FXYD6: variants seen among roughly 807,000 people sequenced by gnomAD.
FXYD6 encodes the protein FXYD domain-containing ion transport regulator 6.
In FXYD6, 7 loss-of-function variants were observed where a neutral mutation model predicts 16.7. That is an observed-to-expected ratio of 0.42 (90% confidence interval 0.24 to 0.79). FXYD6 has a LOEUF of 0.79. Ranked by LOEUF, FXYD6 falls within the 30% of genes least tolerant of loss-of-function variation. FXYD6 has a pLI of 0.28. For synonymous variants in FXYD6, 49 were observed against 43.0 expected, an observed-to-expected ratio of 1.14 and a Z score of -0.54; for missense variants, 111 against 116.2, an observed-to-expected ratio of 0.95 and a Z score of 0.21.
rs2056231630 is a variant in FXYD6 at position 117,837,708 on chromosome 11, T to G, written c.*591A>C. 6.3e-6 allele frequency: 1 copy of G among 159,204 alleles called. No homozygotes were observed. The highest frequency in any genetic ancestry group is 1.4e-5 in the Non-Finnish European group (1 of 71,752). The allele number at this position is 159,204 out of a possible 1,614,324, so 9.9% of individuals were successfully genotyped here. On this transcript the variant is annotated 3_prime_UTR_variant, in exon 8 of 8. Coordinates refer to ENST00000526014, the MANE Select transcript of FXYD6 (RefSeq NM_022003.4). The surrounding 1 kb of genome is among the most constrained non-coding windows in gnomAD (Gnocchi z 4.4). ...AAGAGACCTTCAGACTGGGATCAGG[T>G]GGGATAAGGAAGCAAGGTTTTTGTT...
intron 1 of FXYD6, among the ~76,000 whole-genome samples, chr11:117,861,825 A>G (rs2056913022): frequency 6.6e-6 from 1 of 152,348 alleles, no homozygotes; most frequent in South Asian, 2.1e-4. Context: ...GTGAGGTCAC[A>G]GGATGTGGAG....
chr11:117,856,590 G>T (rs1591572882), intron 1 of FXYD6, among the ~76,000 whole-genome samples: 1 of 152,214 alleles, frequency 6.6e-6, no homozygotes, highest in South Asian at 2.1e-4. Flanking sequence ...GAATGCCTGG[G>T]CCCCACAGTT....
chr11:117,869,341 C>T (rs1321466706), intron 1 of FXYD6, among the ~76,000 whole-genome samples: 2 of 152,224 alleles, frequency 1.3e-5, no homozygotes, highest in African/African-American at 4.8e-5. Context: ...CACCTCCGCC[C>T]AGCGCATCAC....
intron 1 of FXYD6, 70 bp from the exon 2 acceptor site, chr11:117,842,851 C>G: frequency 6.6e-7 from 1 of 1,516,614 alleles, no homozygotes; most frequent in South Asian, 1.2e-5. Flanking sequence ...CAAGCGTCAG[C>G]CTGACCAGGG....
At chr11:117,851,017 T>C (rs1158733610) in intron 1 of FXYD6, among the ~76,000 whole-genome samples, 3 of 152,238 alleles carry the variant, frequency 2.0e-5, no homozygotes, top group Admixed American at 6.5e-5. Context: ...TATGCTATTA[T>C]TGGAGAATAT....
At chr11:117,842,456 A>T (rs1400463887) in intron 2 of FXYD6, among the ~76,000 whole-genome samples, 2 of 152,176 alleles carry the variant, frequency 1.3e-5, no homozygotes, top group African/African-American at 2.4e-5. Context: ...AAATCCACAG[A>T]GGCGCAGTGA....
intron 1 of FXYD6, among the ~76,000 whole-genome samples, chr11:117,860,775 A>C (rs1478387550): frequency 3.3e-5 from 5 of 152,244 alleles, no homozygotes; most frequent in Non-Finnish European, 7.3e-5. Flanking sequence ...AACATGTAAC[A>C]TTCGTAAGGT....
intron 1 of FXYD6, among the ~76,000 whole-genome samples, chr11:117,846,709 C>T (rs2134148351): frequency 6.6e-6 from 1 of 152,272 alleles, no homozygotes; most frequent in African/African-American, 2.4e-5. Context: ...TGGGCTATCT[C>T]TTTGGGTCTC....
chr11:117,869,246 GTCCATGGC>G (rs2057079816), intron 1 of FXYD6: 1 of 152,346 alleles, frequency 6.6e-6, no homozygotes, highest in Non-Finnish European at 1.5e-5. Flanking sequence ...AATTCCAGCA[GTCCATGGC>G]TCAAGGAGGC....
At chr11:117,848,308 G>T (rs1471189872) in intron 1 of FXYD6, among the ~76,000 whole-genome samples, 1 of 151,658 alleles carries the variant, frequency 6.6e-6, no homozygotes, top group African/African-American at 2.4e-5. Flanking sequence ...CTATTTCTAT[G>T]GTTTTTGTCC....
chr11:117,862,329 T>G (rs2056925180), intron 1 of FXYD6, among the ~76,000 whole-genome samples: 1 of 152,180 alleles, frequency 6.6e-6, no homozygotes, highest in African/African-American at 2.4e-5. Flanking sequence ...TCGGCTGCCC[T>G]GGGTGCCTCC....
intron 1 of FXYD6, among the ~76,000 whole-genome samples, chr11:117,859,202 G>A (rs573415375): frequency 4.6e-5 from 7 of 152,288 alleles, no homozygotes; most frequent in Admixed American, 1.3e-4. Flanking sequence ...AGTGTGTCCC[G>A]ACCGCAGGTC....
chr11:117,845,890 A>G (rs1417171678), intron 1 of FXYD6, among the ~76,000 whole-genome samples: 1 of 152,236 alleles, frequency 6.6e-6, no homozygotes, highest in African/African-American at 2.4e-5. Flanking sequence ...TTTACAAAAA[A>G]CATTTCCAGG....
In FXYD6 at chr11:117,872,315, G is replaced by A. The variant is rs566765439; in HGVS notation, c.-6+4277C>T. Among the ~76,000 whole-genome samples the A allele has an allele frequency of 6.6e-6, 1 of 152,208 alleles. No homozygotes were observed. The highest frequency in any genetic ancestry group is 2.4e-5 in the African/African-American group (1 of 41,520). On this transcript the variant is annotated intron_variant, in intron 1 of 7. Coordinates refer to ENST00000526014, the MANE Select transcript of FXYD6 (RefSeq NM_022003.4). This position sits in a 1 kb window ranked among gnomAD's most constrained non-coding sequence, Gnocchi z 4.9. ...AAGTGCACCCGTGATTGCATGGAGG[G>A]GCTCTTCCTATGGAGGAAGAAAGTC...
chr11:117,841,211 T>A, intron 4 of FXYD6, 27 bp from the exon 5 acceptor site: 1 of 1,613,990 alleles, frequency 6.2e-7, no homozygotes, highest in Non-Finnish European at 8.5e-7. Context: ...CCATCCAAGG[T>A]CATGCTGCTG....
In FXYD6 at chr11:117,837,049, G is replaced by A. The variant is rs927134135; in HGVS notation, c.*1250C>T. 6.6e-6 allele frequency: 1 copy of A among 152,198 alleles called. No homozygotes were observed. The highest frequency in any genetic ancestry group is 2.4e-5 in the African/African-American group (1 of 41,426). 9.4% of individuals were successfully genotyped at this position (152,198 alleles called of 1,614,324 possible). A position where few individuals can be genotyped will look rare whatever the true frequency, so the allele number is the denominator to read the frequency against. The stretch of plus-strand genomic sequence containing the variant: ...AGGATAGATCACGATACAGAGAACA[G>A]CAATGGGTCACAGCGCACGGTTTGG... On this transcript the variant is annotated 3_prime_UTR_variant, in exon 8 of 8. Transcript: ENST00000526014. This position sits in a 1 kb window ranked among gnomAD's most constrained non-coding sequence, Gnocchi z 4.4.
intron 1 of FXYD6, among the ~76,000 whole-genome samples, chr11:117,858,640 T>TTTCC (rs201196476): frequency 0.24 from 7,293 of 31,010 alleles, 519 homozygotes; most frequent in East Asian, 0.4. Context: ...TTTTTCTTTC[T>TTTCC]TTCTTTCTTT....
At chr11:117,858,685 TTCTTTCTTTCTTTC>T (rs2056810892) in intron 1 of FXYD6, among the ~76,000 whole-genome samples, 2 of 86,952 alleles carry the variant, frequency 2.3e-5, no homozygotes, top group African/African-American at 1.0e-4. Flanking sequence ...CTTTCTTTCT[TTCTTTCTTTCTTTC>T]TTTCTCTCTC....
chr11:117,869,572 T>A (rs946913902), intron 1 of FXYD6, among the ~76,000 whole-genome samples: 1 of 152,154 alleles, frequency 6.6e-6, no homozygotes, highest in Non-Finnish European at 1.5e-5. Flanking sequence ...AACTCTCTTG[T>A]CATATAGCAG....
Sources: gnomAD v4.1 joint callset for allele counts (sites outside exome capture counted in the v4.1 genomes callset) on GRCh38, gnomAD v4.1.1 for gene constraint, Gnocchi (gnomAD v3.1) non-coding constraint, MANE v1.5 for transcripts, NCBI Gene and HGNC (gene_info 2026-07-23, HGNC 2026-07-21) for gene names.